NKAIN2: variants seen among roughly 807,000 people sequenced by gnomAD.
The protein encoded by NKAIN2 is sodium/potassium-transporting ATPase subunit beta-1-interacting protein 2.
A neutral mutation model predicts 32.6 loss-of-function variants in NKAIN2; 14 were observed. That is an observed-to-expected ratio of 0.43 (90% CI 0.28 to 0.67). NKAIN2 has a LOEUF of 0.67. NKAIN2 is among the 30% of genes least tolerant of loss of function. NKAIN2 has a pLI of 0.17. For missense variants in NKAIN2, 198 were observed against 258.3 expected (o/e 0.77, Z 1.60); for synonymous variants, 80 against 87.2 (o/e 0.92, Z 0.46).
At chr6:124,739,481 G>C (rs1777102578) in intron 4 of NKAIN2, among the ~76,000 whole-genome samples, 1 of 151,846 alleles carries the variant, frequency 6.6e-6, no homozygotes, top group Non-Finnish European at 1.5e-5. Flanking sequence ...TAATGTGTCA[G>C]AAACTATTAT....
At chr6:124,289,564 A>C (rs1260098640) in intron 2 of NKAIN2, among the ~76,000 whole-genome samples, 1 of 152,166 alleles carries the variant, frequency 6.6e-6, no homozygotes, top group African/African-American at 2.4e-5. Flanking sequence ...ATAAGTAAAG[A>C]ATCGCATACT....
chr6:124,529,206 A>C (rs921895128), intron 3 of NKAIN2, among the ~76,000 whole-genome samples: 3 of 152,160 alleles, frequency 2.0e-5, no homozygotes, highest in African/African-American at 7.2e-5. Context: ...ACAGAACAGA[A>C]ACCTCACTCA....
At chr6:124,807,871 C>T (rs1780665464) in intron 5 of NKAIN2, among the ~76,000 whole-genome samples, 1 of 150,846 alleles carries the variant, frequency 6.6e-6, no homozygotes, top group Non-Finnish European at 1.5e-5. Flanking sequence ...CACAAATAAA[C>T]TAGAAAATCT....
intron 1 of NKAIN2, among the ~76,000 whole-genome samples, chr6:124,080,969 G>A (rs889976603): frequency 2.0e-5 from 3 of 152,002 alleles, no homozygotes; most frequent in Non-Finnish European, 4.4e-5. Flanking sequence ...TCCCACCATA[G>A]TAATAAAAAT....
chr6:123,885,499 T>A (rs7744531), intron 1 of NKAIN2, among the ~76,000 whole-genome samples: 1 of 151,934 alleles, frequency 6.6e-6, no homozygotes, highest in East Asian at 1.9e-4. Flanking sequence ...TCCTTAAAAA[T>A]TTTTATATTG....
At chr6:123,890,993 A>G (rs531539084) in intron 1 of NKAIN2, among the ~76,000 whole-genome samples, 2 of 152,156 alleles carry the variant, frequency 1.3e-5, no homozygotes, top group East Asian at 3.9e-4. Flanking sequence ...TATGCATACA[A>G]TGGGATGCCA....
chr6:124,769,988 A>G (rs1053073610), intron 4 of NKAIN2, among the ~76,000 whole-genome samples: 1 of 152,050 alleles, frequency 6.6e-6, no homozygotes, highest in African/African-American at 2.4e-5. Context: ...CTTTTCCTTT[A>G]TTATCTTCAA....
chr6:124,297,845 AT>A (rs1583010403), intron 2 of NKAIN2, among the ~76,000 whole-genome samples: 2 of 152,024 alleles, frequency 1.3e-5, no homozygotes, highest in African/African-American at 4.8e-5. Flanking sequence ...AACCCTCAAA[AT>A]TTCATAAGAA....
intron 1 of NKAIN2, among the ~76,000 whole-genome samples, chr6:124,163,164 G>A (rs377411901): frequency 6.3e-4 from 96 of 151,906 alleles, no homozygotes; most frequent in African/African-American, 2.1e-3. Context: ...ATTAGAGTAA[G>A]TTAGAAATTC....
rs370776872 is a variant in NKAIN2 at position 124,053,517 on chromosome 6, A to C, written c.55-229488A>C. 3.3e-5 allele frequency among the ~76,000 whole-genome samples: 5 copies of C among 152,124 alleles called. No homozygotes were observed. The East Asian group carries it at 9.7e-4, about 30-fold the overall frequency. ...AATCACTACATTATTAAGTTCCCAA[A>C]GTCCTTGTCAAAGACAATTTATGAT... On this transcript the variant is annotated intron_variant, in intron 1 of 6. Transcript: ENST00000368417.
Position 124,347,594 on chromosome 6 carries a change from G to A in NKAIN2, c.193-7673G>A, listed in dbSNP as rs374746454. ...CTTCATTTCATTCATTTCATCTTCC[G>A]TCACTGATACCCTTTCTTCCAGTTG... On this transcript the variant is annotated intron_variant, in intron 2 of 6. Coordinates refer to ENST00000368417, the MANE Select transcript of NKAIN2 (RefSeq NM_001040214.3). 3.8e-4 allele frequency among the ~76,000 whole-genome samples: 57 copies of A among 151,638 alleles called. No homozygotes were observed. In the East Asian group the frequency reaches 5.7e-3, roughly 15 times the overall value.
intron 1 of NKAIN2, among the ~76,000 whole-genome samples, chr6:123,842,226 A>G (rs1774901415): frequency 6.6e-6 from 1 of 152,152 alleles, no homozygotes; most frequent in Non-Finnish European, 1.5e-5. Context: ...AATACCACAC[A>G]CTGGGTGGCT....
At chr6:124,031,310 T>C (rs538540270) in intron 1 of NKAIN2, among the ~76,000 whole-genome samples, 1 of 152,156 alleles carries the variant, frequency 6.6e-6, no homozygotes, top group Non-Finnish European at 1.5e-5. Context: ...TTCTTCTTTA[T>C]TAGTCTTGCT....
At chr6:124,715,307 C>T (rs1775696679) in intron 4 of NKAIN2, among the ~76,000 whole-genome samples, 1 of 152,156 alleles carries the variant, frequency 6.6e-6, no homozygotes, top group Non-Finnish European at 1.5e-5. Context: ...TGCTTGACCA[C>T]ATATTAGGAG....
intron 3 of NKAIN2, among the ~76,000 whole-genome samples, chr6:124,441,553 G>A (rs1775688726): frequency 6.6e-6 from 1 of 152,010 alleles, no homozygotes; most frequent in African/African-American, 2.4e-5. Flanking sequence ...GCTCTGAAAA[G>A]GTCCACATGG....
intron 1 of NKAIN2, among the ~76,000 whole-genome samples, chr6:124,153,570 T>C (rs1012838807): frequency 1.3e-5 from 2 of 151,762 alleles, no homozygotes; most frequent in African/African-American, 4.8e-5. Context: ...TTCAGTGTTG[T>C]AGTCTTGCAC....
intron 1 of NKAIN2, among the ~76,000 whole-genome samples, chr6:124,051,252 C>T (rs1001052801): frequency 6.6e-5 from 10 of 151,966 alleles, no homozygotes; most frequent in African/African-American, 2.2e-4. Context: ...GATAATGTCT[C>T]CCAGGTGCTT....
chr6:124,140,875 G>A (rs1368618678), intron 1 of NKAIN2, among the ~76,000 whole-genome samples: 2 of 152,124 alleles, frequency 1.3e-5, no homozygotes, highest in Non-Finnish European at 2.9e-5. Context: ...CAATCATCAT[G>A]CATTCCCAGA....
intron 3 of NKAIN2, among the ~76,000 whole-genome samples, chr6:124,438,907 G>C (rs1191747558): frequency 6.6e-6 from 1 of 152,004 alleles, no homozygotes. Context: ...TTACGACCCA[G>C]CTGCTAAATC....
Sources: allele counts gnomAD v4.1 joint callset (sites outside exome capture counted in the v4.1 genomes callset), GRCh38; gene constraint gnomAD v4.1.1; transcripts MANE v1.5; gene names NCBI Gene and HGNC (gene_info 2026-07-23, HGNC 2026-07-21).